PSME4: variants seen among roughly 807,000 people sequenced by gnomAD.
PSME4 encodes the protein proteasome activator subunit 4.
Under a neutral mutation model 253.9 loss-of-function variants are expected in PSME4, and 89 were observed. The observed-to-expected ratio is 0.35, with a 90% confidence interval of 0.30 to 0.42. PSME4 has a LOEUF of 0.42. Ranked by LOEUF, PSME4 falls within the 10% of genes least tolerant of loss-of-function variation. The probability of loss-of-function intolerance (pLI) is 1.00; values close to 1 mark genes in which losing one functional copy is unlikely to be tolerated. For synonymous variants in PSME4, 851 were observed against 759.2 expected, an observed-to-expected ratio of 1.12 and a Z score of -1.99; for missense variants, 2,014 against 2,195.2, an observed-to-expected ratio of 0.92 and a Z score of 1.65.
At chr2:53,904,856 T>C (rs776618898) in intron 26 of PSME4, among the ~76,000 whole-genome samples, 7 of 151,192 alleles carry the variant, frequency 4.6e-5, no homozygotes, top group Non-Finnish European at 7.4e-5. Context: ...GGCATGGTGG[T>C]GCGTGCCTGT....
chr2:53,868,540 TATAA>T (rs1391032838), intron 44 of PSME4, among the ~76,000 whole-genome samples: 3 of 51,518 alleles, frequency 5.8e-5, no homozygotes, highest in Admixed American at 2.3e-4. Flanking sequence ...TAATATATAT[TATAA>T]ATATATTTAT....
chr2:53,916,745 A>C (rs551880494), intron 20 of PSME4, among the ~76,000 whole-genome samples: 2 of 151,914 alleles, frequency 1.3e-5, no homozygotes, highest in Non-Finnish European at 2.9e-5. Flanking sequence ...ACCATCTGTT[A>C]AAAAAAAGTA....
intron 26 of PSME4, among the ~76,000 whole-genome samples, chr2:53,905,895 C>T (rs1165209654): frequency 6.6e-6 from 1 of 152,118 alleles, no homozygotes; most frequent in African/African-American, 2.4e-5. Flanking sequence ...CATTTTGAAA[C>T]ATGTGGATTA....
chr2:53,902,132 G>A (rs1680430854), intron 27 of PSME4, among the ~76,000 whole-genome samples: 1 of 152,124 alleles, frequency 6.6e-6, no homozygotes, highest in Non-Finnish European at 1.5e-5. Context: ...ATGGAAGGAT[G>A]TTTCTAAGAA....
In PSME4 at chr2:53,920,196, G is replaced by C; in HGVS notation, c.2417C>G (p.Ser806Cys). 6.2e-7 allele frequency: 1 copy of C among 1,605,774 alleles called. No individual in the cohort carries two copies. Among genetic ancestry groups the C allele is most frequent in the Non-Finnish European group, 8.5e-7 (1 of 1,175,978 alleles). ...CTAATTATAAAATAAAACCAACCTAGACATTTCAAGTTTTCCATCCCCACA... is the reference window on the plus strand; with the variant it reads ...CTAATTATAAAATAAAACCAACCTACACATTTCAAGTTTTCCATCCCCACA... ...QHCGDGKLEMSRDDILQSLTI... is the reference protein window; with the variant it reads ...QHCGDGKLEMCRDDILQSLTI... Residue 806 changes from serine (S) to cysteine (C), a missense_variant, in exon 19 of 47, where the codon TCT becomes TGT. Transcript: ENST00000404125.
At chr2:53,943,551 T>A (rs1344655441) in intron 3 of PSME4, among the ~76,000 whole-genome samples, 9 of 152,182 alleles carry the variant, frequency 5.9e-5, no homozygotes. Context: ...TAAAGAAAGG[T>A]ATAAATACGC....
intron 41 of PSME4, among the ~76,000 whole-genome samples, chr2:53,882,463 T>C (rs1373121889): frequency 6.6e-6 from 1 of 152,172 alleles, no homozygotes; most frequent in East Asian, 1.9e-4. Flanking sequence ...ATTTGGACAA[T>C]GAGGGACACG....
rs1322539545 is a variant in PSME4 at position 53,865,077 on chromosome 2, T to A, written c.*501A>T. 1 of 152,644 alleles carries A rather than the reference T, an allele frequency of 6.6e-6. No homozygotes were observed. Among genetic ancestry groups the A allele is most frequent in the East Asian group, 1.9e-4 (1 of 5,198 alleles). The allele number at this position is 152,644 out of a possible 1,614,324, so 9.5% of individuals were successfully genotyped here. A position where few individuals can be genotyped will look rare whatever the true frequency, so the allele number is the denominator to read the frequency against. Reference sequence around the variant, plus strand: ...GTTAGGTTCAGGACTTGCCCTCTTTTCCTTCCCTCTTCATGGCTCTCCAGA... The same window carrying A: ...GTTAGGTTCAGGACTTGCCCTCTTTACCTTCCCTCTTCATGGCTCTCCAGA... On this transcript the variant is annotated 3_prime_UTR_variant, in exon 47 of 47. Transcript: ENST00000404125.
chr2:53,875,561 C>T, intron 42 of PSME4, 66 bp downstream of exon 42: 1 of 1,477,378 alleles, frequency 6.8e-7, no homozygotes. Flanking sequence ...CTGCAGCTGA[C>T]TGAAATTCTT....
At chr2:53,921,947 C>T (rs188992712) in intron 17 of PSME4, among the ~76,000 whole-genome samples, 10 of 151,008 alleles carry the variant, frequency 6.6e-5, no homozygotes, top group South Asian at 4.2e-4. Flanking sequence ...CTGAGGCAGG[C>T]GGATCACGAG....
chr2:53,883,927 A>G (rs1003803511), intron 41 of PSME4, among the ~76,000 whole-genome samples: 1 of 152,190 alleles, frequency 6.6e-6, no homozygotes, highest in Non-Finnish European at 1.5e-5. Context: ...ATCTTCACTT[A>G]TAAGTCTTAT....
chr2:53,879,466 A>G (rs903121762), intron 41 of PSME4, among the ~76,000 whole-genome samples: 1 of 152,264 alleles, frequency 6.6e-6, no homozygotes, highest in Non-Finnish European at 1.5e-5. Flanking sequence ...TACTTAGAGC[A>G]GTGACTTTTA....
intron 31 of PSME4, among the ~76,000 whole-genome samples, chr2:53,897,571 C>T (rs1464922207): frequency 6.6e-6 from 1 of 152,118 alleles, no homozygotes; most frequent in African/African-American, 2.4e-5. Flanking sequence ...AAAGCTATAC[C>T]CTCGAGTTTC....
At chr2:53,953,010 A>C (rs909761242) in intron 1 of PSME4, among the ~76,000 whole-genome samples, 9 of 152,186 alleles carry the variant, frequency 5.9e-5, no homozygotes, top group African/African-American at 2.2e-4. Context: ...CAAAGCTCAA[A>C]TTTTAATACT....
rs1671034260 is a variant in PSME4, at chr2:53,970,717, G to A, written c.68C>T (p.Pro23Leu). 11 of 1,548,318 alleles carry A rather than the reference G, an allele frequency of 7.1e-6. No homozygotes were observed. The highest frequency in any genetic ancestry group is 8.7e-6 in the Non-Finnish European group (10 of 1,146,194). Reference protein sequence around the residue: ...PEPGGRPEPGPRGFVPQKEIV... With the variant: ...PEPGGRPEPGLRGFVPQKEIV... ...CTCCTTCTGCGGGACGAAGCCCCGC[G>A]GGCCCGGCTCGGGACGCCCGCCCGG... The change falls in exon 1 of 47, where the codon CCG becomes CTG. Residue 23 changes from proline to leucine, a missense_variant. Transcript: ENST00000404125.
chr2:53,887,167 T>G lies in PSME4; in HGVS notation c.4729+92A>C, dbSNP rs143634991. 1.3e-4 allele frequency: 155 copies of G among 1,176,538 alleles called. 1 individual carries two copies. Among genetic ancestry groups the G allele is most frequent in the African/African-American group, 1.3e-3 (83 of 64,964 alleles). The allele number at this position is 1,176,538 out of a possible 1,614,324, so 72.9% of individuals were successfully genotyped here. A position where few individuals can be genotyped will look rare whatever the true frequency, so the allele number is the denominator to read the frequency against. On this transcript the variant is annotated intron_variant, in intron 40 of 46. Transcript: ENST00000404125. ...AACAGTAAATTTTTCATTATGTCTA[T>G]TTTACCACAATAAAAAAAGTGGTGC...
intron 18 of PSME4, 58 bp from the exon 19 acceptor site, chr2:53,920,408 C>G: frequency 6.9e-7 from 1 of 1,456,146 alleles, no homozygotes; most frequent in Non-Finnish European, 9.2e-7. Flanking sequence ...CAACAACAAA[C>G]CCACATACAT....
At chr2:53,893,069 A>G in intron 35 of PSME4, 109 bp from the exon 36 acceptor site, 1 of 886,096 alleles carries the variant, frequency 1.1e-6, no homozygotes, top group African/African-American at 1.7e-5. Context: ...CTCCAAGCAC[A>G]CTCCCCTTTA....
At chr2:53,908,951 T>C (rs973508527) in intron 21 of PSME4, 111 bp from the exon 22 acceptor site, 6 of 753,296 alleles carry the variant, frequency 8.0e-6, no homozygotes, top group African/African-American at 3.5e-5. Flanking sequence ...GAGAAAAAAA[T>C]AGGTCTGCCT....
Sources: allele counts gnomAD v4.1 joint callset (sites outside exome capture counted in the v4.1 genomes callset), GRCh38; gene constraint gnomAD v4.1.1; transcripts MANE v1.5; gene names NCBI Gene and HGNC (gene_info 2026-07-23, HGNC 2026-07-21).